Variants in GABRA2 observed in about 807,000 individuals in gnomAD.
GABRA2 encodes gamma-aminobutyric acid receptor subunit alpha-2.
Under a neutral mutation model 48.7 loss-of-function variants are expected in GABRA2, and 16 were observed. The observed-to-expected ratio is 0.33, with a 90% CI of 0.22 to 0.50. The LOEUF is 0.50. Among genes scored for constraint, GABRA2 ranks in the 20% least tolerant of loss-of-function variants. The pLI is 0.98. For missense variants in GABRA2, 275 were observed against 535.6 expected (o/e 0.51, Z 4.80); for synonymous variants, 185 against 184.5 (o/e 1.00, Z -0.02).
At chr4:46,275,643 A>G (rs1026890115) in intron 8 of GABRA2, among the ~76,000 whole-genome samples, 1 of 152,162 alleles carries the variant, frequency 6.6e-6, no homozygotes, top group Non-Finnish European at 1.5e-5. Flanking sequence ...ACCTTAACCT[A>G]TATAAACCGC....
At chr4:46,389,155 T>G in intron 1 of GABRA2, 2 of 990,266 alleles carry the variant, frequency 2.0e-6, no homozygotes, top group Non-Finnish European at 2.4e-6. Flanking sequence ...CACAACCCCC[T>G]CAACCAAGAC....
intron 6 of GABRA2, among the ~76,000 whole-genome samples, chr4:46,308,070 T>A (rs1161399135): frequency 6.6e-6 from 1 of 152,190 alleles, no homozygotes; most frequent in African/African-American, 2.4e-5. Context: ...TATGTTGCAT[T>A]AAGCAGATGT....
intron 8 of GABRA2, among the ~76,000 whole-genome samples, chr4:46,274,799 G>A (rs1720160800): frequency 1.3e-5 from 2 of 152,154 alleles, no homozygotes; most frequent in Middle Eastern, 3.4e-3. Flanking sequence ...GTATGCAGAG[G>A]CCCTATGTAG....
At chr4:46,313,567 T>TTC (rs3068364) in intron 4 of GABRA2, among the ~76,000 whole-genome samples, 58,584 of 145,612 alleles carry the variant, frequency 0.4, 11,675 homozygotes, top group East Asian at 0.5. Context: ...GAAACTCTGT[T>TTC]TCTCTCTCTC....
chr4:46,330,519 T>C (rs986446149), intron 4 of GABRA2, among the ~76,000 whole-genome samples: 3 of 150,492 alleles, frequency 2.0e-5, no homozygotes, highest in Non-Finnish European at 3.0e-5. Flanking sequence ...ACCAAACATG[T>C]CTTGCTAGAA....
chr4:46,360,493 A>G (rs1269544345), intron 3 of GABRA2, among the ~76,000 whole-genome samples: 1 of 152,184 alleles, frequency 6.6e-6, no homozygotes, highest in African/African-American at 2.4e-5. Context: ...TGTCACCATG[A>G]TTGTGAGGCT....
chr4:46,324,271 A>C (rs1729948171), intron 4 of GABRA2, among the ~76,000 whole-genome samples: 1 of 151,962 alleles, frequency 6.6e-6, no homozygotes, highest in African/African-American at 2.4e-5. Flanking sequence ...TGGTATTCTT[A>C]AAGTCACAAT....
chr4:46,262,941 AG>A (rs1717303241), intron 8 of GABRA2, among the ~76,000 whole-genome samples: 1 of 89,238 alleles, frequency 1.1e-5, no homozygotes, highest in African/African-American at 5.4e-5. Context: ...GAAAGAAGAA[AG>A]AAAGAAAGAA....
At chr4:46,345,414 C>T (rs555469564) in intron 3 of GABRA2, among the ~76,000 whole-genome samples, 1 of 151,968 alleles carries the variant, frequency 6.6e-6, no homozygotes, top group South Asian at 2.1e-4. Flanking sequence ...AGCTGTGATG[C>T]TCTGCCTGAG....
At chr4:46,301,880 T>C (rs1306621594) in intron 8 of GABRA2, among the ~76,000 whole-genome samples, 1 of 152,100 alleles carries the variant, frequency 6.6e-6, no homozygotes, top group East Asian at 1.9e-4. Context: ...CAATAAAACT[T>C]TCTTAAATGA....
At chr4:46,268,921 G>A (rs1439550011) in intron 8 of GABRA2, among the ~76,000 whole-genome samples, 1 of 151,862 alleles carries the variant, frequency 6.6e-6, no homozygotes, top group Non-Finnish European at 1.5e-5. Flanking sequence ...ATTATGCTGA[G>A]TTAAATAAGT....
intron 9 of GABRA2, among the ~76,000 whole-genome samples, chr4:46,257,962 A>C (rs2109334517): frequency 6.6e-6 from 1 of 151,890 alleles, no homozygotes; most frequent in South Asian, 2.1e-4. Context: ...GGCAGTGGAA[A>C]GATATAAAAT....
chr4:46,353,284 G>A (rs1343603648), intron 3 of GABRA2, among the ~76,000 whole-genome samples: 2 of 151,940 alleles, frequency 1.3e-5, no homozygotes, highest in African/African-American at 4.8e-5. Flanking sequence ...GAATTCTACT[G>A]CTCCCACCCT....
intron 3 of GABRA2, among the ~76,000 whole-genome samples, chr4:46,371,976 C>G (rs1714966462): frequency 6.6e-6 from 1 of 152,168 alleles, no homozygotes; most frequent in Non-Finnish European, 1.5e-5. Flanking sequence ...CACAGAACAG[C>G]AGCACTGGCA....
At chr4:46,328,271 AGTGTGT>A (rs71193862) in intron 4 of GABRA2, among the ~76,000 whole-genome samples, 21 of 128,682 alleles carry the variant, frequency 1.6e-4, no homozygotes, top group African/African-American at 4.4e-4. Flanking sequence ...AAGATAGCAG[AGTGTGT>A]GTGTGTGTGT....
chr4:46,389,578 AT>A, intron 1 of GABRA2, 156 bp downstream of exon 1: 1 of 456,938 alleles, frequency 2.2e-6, no homozygotes, highest in Non-Finnish European at 2.9e-6. Context: ...TATCGAAATT[AT>A]TTTTTAAGTG....
chr4:46,339,985 T>C (rs1274398009), intron 3 of GABRA2, among the ~76,000 whole-genome samples: 2 of 151,792 alleles, frequency 1.3e-5, no homozygotes, highest in Admixed American at 1.3e-4. Context: ...AATCATGGCA[T>C]TTACAGCCTT....
intron 3 of GABRA2, among the ~76,000 whole-genome samples, chr4:46,356,462 T>G (rs1735987872): frequency 6.6e-6 from 1 of 151,736 alleles, no homozygotes; most frequent in African/African-American, 2.4e-5. Flanking sequence ...GCCACTGTTT[T>G]ACAGCTTCCC....
At chr4:46,282,920 C>T (rs1045212928) in intron 8 of GABRA2, among the ~76,000 whole-genome samples, 21 of 152,054 alleles carry the variant, frequency 1.4e-4, no homozygotes, top group African/African-American at 4.8e-4. Context: ...GTTACTAACC[C>T]AGTTTTACAA....
Sources: allele counts gnomAD v4.1 joint callset (sites outside exome capture counted in the v4.1 genomes callset), GRCh38; gene constraint gnomAD v4.1.1; transcripts MANE v1.5; gene names NCBI Gene and HGNC (gene_info 2026-07-23, HGNC 2026-07-21).